MAST4: variants seen among roughly 807,000 people sequenced by gnomAD.
MAST4 encodes the protein microtubule associated serine/threonine kinase family member 4, also known as microtubule-associated serine/threonine-protein kinase 4.
In MAST4, 89 loss-of-function variants were observed where a neutral mutation model predicts 162.7. That is an observed-to-expected ratio of 0.55 (90% CI 0.46 to 0.65). MAST4 has a LOEUF of 0.65. Ranked by LOEUF, MAST4 falls within the 30% of genes least tolerant of loss-of-function variation. MAST4 has a pLI of 0.00. For missense variants in MAST4, 3,153 were observed against 3,374.0 expected (o/e 0.93, Z 1.62); for synonymous variants, 1,479 against 1,361.1 (o/e 1.09, Z -1.91).
intron 1 of MAST4, among the ~76,000 whole-genome samples, chr5:66,725,600 T>A (rs1344435361): frequency 6.6e-6 from 1 of 152,190 alleles, no homozygotes; most frequent in Non-Finnish European, 1.5e-5. Flanking sequence ...TAAAACTTCT[T>A]AGATGGGCTG....
intron 3 of MAST4, among the ~76,000 whole-genome samples, chr5:66,897,252 G>A (rs1422965467): frequency 1.3e-5 from 2 of 152,120 alleles, no homozygotes; most frequent in African/African-American, 4.8e-5. Flanking sequence ...ACAAGCTTGG[G>A]TTTATGACCC....
At chr5:66,951,501 A>C (rs1244381120) in intron 4 of MAST4, among the ~76,000 whole-genome samples, 1 of 152,120 alleles carries the variant, frequency 6.6e-6, no homozygotes, top group Non-Finnish European at 1.5e-5. Flanking sequence ...ACTCTTAATC[A>C]CATCAGCAAA....
chr5:66,829,191 C>T (rs2149752172), intron 3 of MAST4, among the ~76,000 whole-genome samples: 1 of 151,752 alleles, frequency 6.6e-6, no homozygotes, highest in South Asian at 2.1e-4. Context: ...ATCTGGCATG[C>T]CGTCAAGTGT....
At chr5:66,771,663 C>T (rs191788257) in intron 2 of MAST4, among the ~76,000 whole-genome samples, 7 of 152,044 alleles carry the variant, frequency 4.6e-5, no homozygotes, top group East Asian at 3.9e-4. Flanking sequence ...TGGTCCTTCC[C>T]GAGGAAACAA....
At chr5:66,875,789 C>T (rs1761259205) in intron 3 of MAST4, among the ~76,000 whole-genome samples, 2 of 152,140 alleles carry the variant, frequency 1.3e-5, no homozygotes, top group African/African-American at 4.8e-5. Flanking sequence ...GAGACAGAGT[C>T]TCACTTTGTC....
At chr5:66,831,424 T>C (rs1757588651) in intron 3 of MAST4, among the ~76,000 whole-genome samples, 1 of 152,212 alleles carries the variant, frequency 6.6e-6, no homozygotes, top group Non-Finnish European at 1.5e-5. Context: ...GTATACACTA[T>C]TCTAATTCTC....
In MAST4 at chr5:66,869,060, C is replaced by A. The variant is rs576881925; in HGVS notation, c.643-30891C>A. Among the ~76,000 whole-genome samples the A allele has an allele frequency of 2.0e-5, 3 of 152,200 alleles. No homozygotes were observed. In the South Asian group the frequency reaches 6.2e-4, roughly 32 times the overall value. On this transcript the variant is annotated intron_variant, in intron 3 of 28. Coordinates refer to ENST00000403625, the MANE Select transcript of MAST4 (RefSeq NM_001164664.2). The stretch of plus-strand genomic sequence containing the variant: ...TTAATGCTGAGATTAATTTTTTTCC[C>A]GATGAGTAGGAGCCTGGCACTGTGC...
At chr5:67,143,641 C>T (rs893564917) in intron 21 of MAST4, among the ~76,000 whole-genome samples, 1 of 152,116 alleles carries the variant, frequency 6.6e-6, no homozygotes, top group Non-Finnish European at 1.5e-5. Context: ...CCTAGATGCA[C>T]CTGCAAATTG....
intron 1 of MAST4, among the ~76,000 whole-genome samples, chr5:66,636,115 G>A (rs1048167013): frequency 6.6e-6 from 1 of 151,770 alleles, no homozygotes; most frequent in Non-Finnish European, 1.5e-5. Context: ...ATGCCACCAC[G>A]CCCAGCTAAT....
intron 19 of MAST4, among the ~76,000 whole-genome samples, chr5:67,141,050 A>G (rs938460671): frequency 1.3e-4 from 20 of 152,230 alleles, no homozygotes; most frequent in Non-Finnish European, 2.6e-4. Flanking sequence ...CAATGAGGAC[A>G]GAGTCCAATC....
intron 3 of MAST4, among the ~76,000 whole-genome samples, chr5:66,878,641 G>A (rs1761465446): frequency 3.3e-5 from 5 of 152,212 alleles, no homozygotes; most frequent in Admixed American, 3.3e-4. Flanking sequence ...CAAGAGGAAG[G>A]CAACCACTAT....
chr5:66,849,757 T>C (rs1422170395), intron 3 of MAST4, among the ~76,000 whole-genome samples: 2 of 152,226 alleles, frequency 1.3e-5, no homozygotes, highest in Non-Finnish European at 2.9e-5. Flanking sequence ...TATTTGTTAT[T>C]TTCAAGGGCT....
At chr5:66,979,513 A>G (rs1022789921) in intron 4 of MAST4, among the ~76,000 whole-genome samples, 2 of 152,202 alleles carry the variant, frequency 1.3e-5, no homozygotes, top group African/African-American at 4.8e-5. Flanking sequence ...TTAAGGTCCA[A>G]TTTGGGTTCA....
At chr5:66,789,868 A>G (rs1240042033) in intron 3 of MAST4, 1 of 451,326 alleles carries the variant, frequency 2.2e-6, no homozygotes, top group African/African-American at 2.0e-5. Flanking sequence ...ATGTTTGAAA[A>G]TGGTGATTTT....
At chr5:66,946,436 A>G (rs868809806) in intron 4 of MAST4, among the ~76,000 whole-genome samples, 1 of 152,118 alleles carries the variant, frequency 6.6e-6, no homozygotes, top group Admixed American at 6.6e-5. Context: ...TTACCGCCTC[A>G]GGTAAAATAA....
intron 4 of MAST4, among the ~76,000 whole-genome samples, chr5:66,996,694 C>T (rs1366688504): frequency 6.6e-6 from 1 of 152,182 alleles, no homozygotes; most frequent in Non-Finnish European, 1.5e-5. Flanking sequence ...CCTCCATCTT[C>T]AGGCCCAGCA....
chr5:67,046,673 G>A (rs2150515551), intron 4 of MAST4, among the ~76,000 whole-genome samples: 1 of 152,120 alleles, frequency 6.6e-6, no homozygotes, highest in African/African-American at 2.4e-5. Flanking sequence ...ATCTCACTGT[G>A]GATTTATCTT....
intron 4 of MAST4, among the ~76,000 whole-genome samples, chr5:67,000,756 A>AGGGGGG (rs71610548): frequency 1.4e-5 from 2 of 141,332 alleles, no homozygotes; most frequent in South Asian, 2.5e-4. Context: ...CTAAAAAAAA[A>AGGGGGG]GGGGGGGGGT....
intron 4 of MAST4, among the ~76,000 whole-genome samples, chr5:67,000,410 T>C (rs1173634978): frequency 6.6e-6 from 1 of 152,186 alleles, no homozygotes; most frequent in Non-Finnish European, 1.5e-5. Context: ...TCCAGGCATA[T>C]TATCTTTTAA....
Sources: allele counts gnomAD v4.1 joint callset (sites outside exome capture counted in the v4.1 genomes callset), GRCh38; gene constraint gnomAD v4.1.1; transcripts MANE v1.5; gene names NCBI Gene and HGNC (gene_info 2026-07-23, HGNC 2026-07-21).